PDE3B: variants seen among roughly 807,000 people sequenced by gnomAD.
PDE3B encodes phosphodiesterase 3B, also known as cGMP-inhibited 3',5'-cyclic phosphodiesterase 3B.
Under a neutral mutation model 116.8 loss-of-function variants are expected in PDE3B, and 66 were observed. The observed-to-expected ratio is 0.56, with a 90% CI of 0.46 to 0.69. The LOEUF is 0.69. Among genes scored for constraint, PDE3B ranks in the 30% least tolerant of loss-of-function variants. The pLI, the probability that PDE3B is intolerant of heterozygous loss-of-function variation, is 0.00. For synonymous variants in PDE3B, 595 were observed against 533.6 expected, an observed-to-expected ratio of 1.12 and a Z score of -1.59; for missense variants, 1,384 against 1,368.1, an observed-to-expected ratio of 1.01 and a Z score of -0.18.
intron 7 of PDE3B, among the ~76,000 whole-genome samples, chr11:14,826,176 C>T (rs1334305659): frequency 6.6e-6 from 1 of 151,866 alleles, no homozygotes; most frequent in African/African-American, 2.4e-5. Context: ...TAGAGAGATC[C>T]CAAATTAACA....
chr11:14,857,541 G>A (rs782539746), intron 12 of PDE3B, among the ~76,000 whole-genome samples: 3 of 152,098 alleles, frequency 2.0e-5, no homozygotes, highest in Non-Finnish European at 2.9e-5. Flanking sequence ...TTCTTATGCA[G>A]TGACTTGGTT....
the PDE3B span, among the ~76,000 whole-genome samples, chr11:14,881,934 A>C: frequency 2.0e-5 from 3 of 152,136 alleles, no homozygotes; most frequent in Non-Finnish European, 4.4e-5. Context: ...ACCCACAATG[A>C]AAAATGTCAC....
At chr11:14,825,855 A>T (rs1261174699) in intron 7 of PDE3B, among the ~76,000 whole-genome samples, 1 of 152,048 alleles carries the variant, frequency 6.6e-6, no homozygotes, top group African/African-American at 2.4e-5. Context: ...CACATGGTAC[A>T]TATTCTAAAA....
chr11:14,701,148 A>G (rs780755199), intron 1 of PDE3B, among the ~76,000 whole-genome samples: 12 of 151,704 alleles, frequency 7.9e-5, no homozygotes, highest in Non-Finnish European at 1.8e-4. Flanking sequence ...CACAAATTTT[A>G]TTTTGTATAT....
At position 14,643,896 on chromosome 11, in the gene PDE3B, C is replaced by G; in HGVS notation, c.-180C>G. 1.1e-6 allele frequency: 1 copy of G among 892,918 alleles called. No individual in the cohort carries two copies. The highest frequency in any genetic ancestry group is 1.6e-6 in the Non-Finnish European group (1 of 644,396). 55.3% of individuals were successfully genotyped at this position (892,918 alleles called of 1,614,324 possible). On this transcript the variant is annotated 5_prime_UTR_variant, in exon 1 of 16. Coordinates refer to ENST00000282096, the MANE Select transcript of PDE3B (RefSeq NM_000922.4). ...GCCCCTCTCCTCAGCCAGCATGTCC[C>G]GGACTCCGCCGCTCCTCAGTCCGCG... is the stretch of plus-strand genomic sequence containing the variant.
At chr11:14,757,944 G>A (rs1225302106) in intron 1 of PDE3B, among the ~76,000 whole-genome samples, 2 of 150,906 alleles carry the variant, frequency 1.3e-5, no homozygotes, top group Admixed American at 6.6e-5. Context: ...TAGGTCTAAC[G>A]TTTAAATCTT....
intron 1 of PDE3B, among the ~76,000 whole-genome samples, chr11:14,668,786 C>G (rs759488724): frequency 1.3e-5 from 2 of 152,176 alleles, no homozygotes; most frequent in Non-Finnish European, 2.9e-5. Context: ...TATCAGCACA[C>G]TGGTCTTGGC....
At chr11:14,662,362 A>C (rs1421347758) in intron 1 of PDE3B, among the ~76,000 whole-genome samples, 1 of 152,190 alleles carries the variant, frequency 6.6e-6, no homozygotes, top group Non-Finnish European at 1.5e-5. Context: ...TGGGGAAAAA[A>C]CAGAGCAGAA....
chr11:14,735,958 T>TTGTGTGTGTGTGTGTGTGTG (rs59099319), intron 1 of PDE3B, among the ~76,000 whole-genome samples: 3 of 142,926 alleles, frequency 2.1e-5, no homozygotes, highest in East Asian at 2.0e-4. Flanking sequence ...GAATAATAGG[T>TTGTGTGTGTGTGTGTGTGTG]TGTGTGTGTG....
At chr11:14,668,017 T>C (rs972826717) in intron 1 of PDE3B, among the ~76,000 whole-genome samples, 5 of 151,714 alleles carry the variant, frequency 3.3e-5, no homozygotes, top group African/African-American at 1.2e-4. Context: ...GCCAAAAGCT[T>C]AATTAATGCA....
At chr11:14,751,542 T>TA (rs1443740091) in intron 1 of PDE3B, among the ~76,000 whole-genome samples, 2 of 152,178 alleles carry the variant, frequency 1.3e-5, no homozygotes, top group African/African-American at 2.4e-5. Context: ...AATCAGTTGA[T>TA]ATCAGCCGTA....
intron 1 of PDE3B, among the ~76,000 whole-genome samples, chr11:14,750,308 C>T (rs1857023155): frequency 6.6e-6 from 1 of 151,924 alleles, no homozygotes; most frequent in Non-Finnish European, 1.5e-5. Flanking sequence ...AATTAACTAT[C>T]ACAAATATGA....
At chr11:14,662,768 AC>A (rs1294596101) in intron 1 of PDE3B, among the ~76,000 whole-genome samples, 1 of 152,214 alleles carries the variant, frequency 6.6e-6, no homozygotes, top group East Asian at 1.9e-4. Context: ...AAAGAGAATA[AC>A]AAGAAACGAA....
chr11:14,678,272 G>C (rs1043665196), intron 1 of PDE3B, among the ~76,000 whole-genome samples: 3 of 151,878 alleles, frequency 2.0e-5, no homozygotes, highest in African/African-American at 2.4e-5. Flanking sequence ...TTTTCTAGTT[G>C]TGTTGATTAG....
At chr11:14,752,873 T>C (rs1393312830) in intron 1 of PDE3B, among the ~76,000 whole-genome samples, 4 of 152,136 alleles carry the variant, frequency 2.6e-5, no homozygotes, top group Admixed American at 2.6e-4. Context: ...TTCTAAAAGT[T>C]ATCTAGTATT....
rs1179152561 is a variant in PDE3B at position 14,870,991 on chromosome 11, G to A, written c.*1331G>A. On this transcript the variant is annotated 3_prime_UTR_variant, in exon 16 of 16. Transcript: ENST00000282096. The surrounding 1 kb of genome is among the most constrained non-coding windows in gnomAD (Gnocchi z 4.1). ...AATACATTTGAAGATATAAAGAGCAGCCAAAATGATGGCAAAATGGTAGGC... is the reference window on the plus strand; with the variant it reads ...AATACATTTGAAGATATAAAGAGCAACCAAAATGATGGCAAAATGGTAGGC... The A allele has an allele frequency of 6.6e-6, 1 of 152,126 alleles. No individual in the cohort carries two copies. Among genetic ancestry groups the A allele is most frequent in the Admixed American group, 6.5e-5 (1 of 15,268 alleles). The allele number at this position is 152,126 out of a possible 1,614,324, so 9.4% of individuals were successfully genotyped here.
intron 4 of PDE3B, among the ~76,000 whole-genome samples, chr11:14,803,158 T>C (rs1858822933): frequency 6.6e-6 from 1 of 152,086 alleles, no homozygotes. Flanking sequence ...AGGCTATGTC[T>C]GCCTAGGTTA....
At chr11:14,830,059 C>T (rs1859825432) in intron 7 of PDE3B, among the ~76,000 whole-genome samples, 1 of 152,070 alleles carries the variant, frequency 6.6e-6, no homozygotes, top group African/African-American at 2.4e-5. Context: ...GTAGTTCATT[C>T]TCTTTGCTCT....
downstream of PDE3B, among the ~76,000 whole-genome samples, chr11:14,874,005 G>C (rs1261289862): frequency 1.3e-5 from 2 of 152,086 alleles, no homozygotes; most frequent in Non-Finnish European, 2.9e-5. Context: ...TGGGTAACAT[G>C]GCTCTCAGTA....
Sources: allele counts gnomAD v4.1 joint callset (sites outside exome capture counted in the v4.1 genomes callset), GRCh38; gene constraint gnomAD v4.1.1; non-coding constraint Gnocchi (gnomAD v3.1); transcripts MANE v1.5; gene names NCBI Gene and HGNC (gene_info 2026-07-23, HGNC 2026-07-21).